Variants in UNC5B observed in about 807,000 individuals in gnomAD.
UNC5B encodes the protein netrin receptor UNC5B.
In UNC5B, 56 loss-of-function variants were observed where a neutral mutation model predicts 103.7. That is an observed-to-expected ratio of 0.54 (90% CI 0.44 to 0.67). The LOEUF (loss-of-function observed/expected upper bound fraction) is 0.67, where lower values mean the gene tolerates loss of function less well. UNC5B is among the 30% of genes least tolerant of loss of function. UNC5B has a pLI of 0.00. For missense variants in UNC5B, 1,194 were observed against 1,284.5 expected, an observed-to-expected ratio of 0.93 and a Z score of 1.08; for synonymous variants, 577 against 542.0, an observed-to-expected ratio of 1.06 and a Z score of -0.90.
chr10:71,241,060 G>C (rs897751833), intron 1 of UNC5B, among the ~76,000 whole-genome samples: 2 of 152,210 alleles, frequency 1.3e-5, no homozygotes, highest in Non-Finnish European at 2.9e-5. Flanking sequence ...GAACTGGTCA[G>C]ATCACTCTAC....
Position 71,212,879 on chromosome 10 carries a change from C to T in UNC5B, c.-107C>T, listed in dbSNP as rs1054096690. On this transcript the variant is annotated 5_prime_UTR_variant, in exon 1 of 17. Coordinates refer to ENST00000335350, the MANE Select transcript of UNC5B (RefSeq NM_170744.5). Reference sequence around the variant, plus strand: ...GGCACGGGCTGGCGCTGCCGGGCGCCGGGGAGGACGGCGAGGAGGAGGCGG... The same window carrying T: ...GGCACGGGCTGGCGCTGCCGGGCGCTGGGGAGGACGGCGAGGAGGAGGCGG... 2 of 958,032 alleles carry T rather than the reference C, an allele frequency of 2.1e-6. No individual in the cohort carries two copies. Among genetic ancestry groups the T allele is most frequent in the East Asian group, 3.3e-5 (1 of 29,862 alleles). 59.3% of individuals were successfully genotyped at this position (958,032 alleles called of 1,614,324 possible). A position where few individuals can be genotyped will look rare whatever the true frequency, so the allele number is the denominator to read the frequency against.
intron 8 of UNC5B, 54 bp from the exon 9 acceptor site, chr10:71,290,861 T>G: frequency 1.3e-6 from 2 of 1,539,324 alleles, no homozygotes; most frequent in East Asian, 4.5e-5. Context: ...GCCTCCCTGA[T>G]TGCCCCAGGG....
At chr10:71,217,314 A>G (rs1048099047) in intron 1 of UNC5B, 1 of 152,482 alleles carries the variant, frequency 6.6e-6, no homozygotes, top group Non-Finnish European at 1.5e-5. Flanking sequence ...CGGAAGGCCT[A>G]GGGTAAGGGC....
intron 1 of UNC5B, among the ~76,000 whole-genome samples, chr10:71,277,647 C>A (rs541284206): frequency 4.7e-4 from 72 of 152,348 alleles, no homozygotes; most frequent in African/African-American, 1.6e-3. Context: ...CTCATCAAAT[C>A]CCCAAGCAGC....
intron 1 of UNC5B, among the ~76,000 whole-genome samples, chr10:71,269,834 A>G (rs1844603575): frequency 1.3e-5 from 2 of 152,156 alleles, no homozygotes; most frequent in Non-Finnish European, 2.9e-5. Flanking sequence ...CAGGGAGGAA[A>G]GAGAATGGTG....
chr10:71,276,058 A>ATT (rs1367533892), intron 1 of UNC5B, among the ~76,000 whole-genome samples: 1 of 152,184 alleles, frequency 6.6e-6, no homozygotes, highest in Non-Finnish European at 1.5e-5. Flanking sequence ...GGAATGGGAT[A>ATT]AAAATATATT....
chr10:71,254,286 C>T (rs1021614979), intron 1 of UNC5B, among the ~76,000 whole-genome samples: 1 of 152,214 alleles, frequency 6.6e-6, no homozygotes, highest in African/African-American at 2.4e-5. Flanking sequence ...TGAAAGGGCT[C>T]GTGGTAATTG....
chr10:71,288,559 C>T lies in UNC5B; in HGVS notation c.902-9C>T. The T allele has an allele frequency of 6.2e-7, 1 of 1,610,450 alleles. No homozygotes were observed. Among genetic ancestry groups the T allele is most frequent in the Non-Finnish European group, 8.5e-7 (1 of 1,177,540 alleles). ...CGTGCACATGCTCCTGTATGCCATG[C>T]TCTTACAGTCGATGGGGCGTGGACG... On this transcript the variant is annotated splice_polypyrimidine_tract_variant and intron_variant, in intron 6 of 16. Transcript: ENST00000335350.
At chr10:71,237,582 C>T (rs1843801816) in intron 1 of UNC5B, among the ~76,000 whole-genome samples, 1 of 152,146 alleles carries the variant, frequency 6.6e-6, no homozygotes, top group Admixed American at 6.5e-5. Flanking sequence ...GGGAAGTCCT[C>T]AGCACAAAGC....
chr10:71,259,821 C>T (rs1000639823), intron 1 of UNC5B, among the ~76,000 whole-genome samples: 5 of 152,164 alleles, frequency 3.3e-5, no homozygotes, highest in Non-Finnish European at 7.3e-5. Flanking sequence ...GGCGTGGGTC[C>T]CTGCCCAACT....
intron 2 of UNC5B, among the ~76,000 whole-genome samples, chr10:71,284,411 G>A (rs534951782): frequency 6.8e-4 from 103 of 152,324 alleles, no homozygotes; most frequent in African/African-American, 2.4e-3. Context: ...CCGCCTGCAG[G>A]CCACTGAGAC....
chr10:71,299,511 T>C lies in UNC5B; in HGVS notation c.*234T>C. 1 of 503,572 alleles carries C rather than the reference T, an allele frequency of 2.0e-6. No homozygotes were observed. The highest frequency in any genetic ancestry group is 2.6e-5 in the South Asian group (1 of 38,690). 31.2% of individuals were successfully genotyped at this position (503,572 alleles called of 1,614,324 possible). On this transcript the variant is annotated 3_prime_UTR_variant, in exon 17 of 17. Transcript: ENST00000335350. ...CACCCCCGCTCTCTCTCTCTTGGCC[T>C]GAGATCTCTGTGCAGGAACCAAGAT...
At chr10:71,258,935 T>C (rs1844352752) in intron 1 of UNC5B, among the ~76,000 whole-genome samples, 1 of 152,224 alleles carries the variant, frequency 6.6e-6, no homozygotes, top group Non-Finnish European at 1.5e-5. Flanking sequence ...AGGAGGCAGC[T>C]GACAGGCAAC....
At position 71,278,451 on chromosome 10, in the gene UNC5B, C is replaced by G. The variant is rs1306893521; in HGVS notation, c.80-1370C>G. Reference sequence around the variant, plus strand: ...GTCATGTGTCATCTTGTTAGCTACCCCACCCCCACCGCCCGTACACACACT... The same window carrying G: ...GTCATGTGTCATCTTGTTAGCTACCGCACCCCCACCGCCCGTACACACACT... On this transcript the variant is annotated intron_variant, in intron 1 of 16. Coordinates refer to ENST00000335350, the MANE Select transcript of UNC5B (RefSeq NM_170744.5). Among the ~76,000 whole-genome samples the G allele has an allele frequency of 3.9e-5, 6 of 152,284 alleles. No individual in the cohort carries two copies. The South Asian group carries it at 8.3e-4, about 21-fold the overall frequency.
chr10:71,226,238 C>A lies in UNC5B; in HGVS notation c.79+13174C>A, dbSNP rs996649229. Reference sequence around the variant, plus strand: ...TACAGGCGCCCGCCACCACACTCGGCTAATTTTTGTATTTTTAGTAGAGAT... The same window carrying A: ...TACAGGCGCCCGCCACCACACTCGGATAATTTTTGTATTTTTAGTAGAGAT... On this transcript the variant is annotated intron_variant, in intron 1 of 16. Coordinates refer to ENST00000335350, the MANE Select transcript of UNC5B (RefSeq NM_170744.5). Among the ~76,000 whole-genome samples, 4 of 152,084 alleles carry A rather than the reference C, an allele frequency of 2.6e-5. No individual in the cohort carries two copies. In the South Asian group the frequency reaches 6.2e-4, roughly 24 times the overall value.
At chr10:71,273,357 C>T (rs1049184501) in intron 1 of UNC5B, among the ~76,000 whole-genome samples, 2 of 152,164 alleles carry the variant, frequency 1.3e-5, no homozygotes, top group South Asian at 4.1e-4. Context: ...CTGGGTGAGG[C>T]TTGGAACCAG....
At chr10:71,283,200 GC>G (rs922155364) in intron 2 of UNC5B, among the ~76,000 whole-genome samples, 4 of 152,156 alleles carry the variant, frequency 2.6e-5, no homozygotes, top group African/African-American at 9.7e-5. Context: ...CCTCTGCTCT[GC>G]AACAGCTTGC....
At chr10:71,296,073 G>A in intron 14 of UNC5B, 113 bp downstream of exon 14, 9 of 1,439,638 alleles carry the variant, frequency 6.3e-6, no homozygotes, top group Non-Finnish European at 8.5e-6. Context: ...ACCCCTCCCT[G>A]GATCTCTCAC....
intron 1 of UNC5B, among the ~76,000 whole-genome samples, chr10:71,255,108 T>A (rs906680868): frequency 1.3e-5 from 2 of 152,238 alleles, no homozygotes; most frequent in African/African-American, 4.8e-5. Flanking sequence ...CTCGTATAAT[T>A]ACATAGACTT....
Sources: allele counts gnomAD v4.1 joint callset (sites outside exome capture counted in the v4.1 genomes callset), GRCh38; gene constraint gnomAD v4.1.1; transcripts MANE v1.5; gene names NCBI Gene and HGNC (gene_info 2026-07-23, HGNC 2026-07-21).